Variants in KHDRBS2 observed in about 807,000 individuals in gnomAD.
KHDRBS2 encodes the protein KH domain-containing, RNA-binding, signal transduction-associated protein 2.
In KHDRBS2, 26 loss-of-function variants were observed where a neutral mutation model predicts 44.3. That is an observed-to-expected ratio of 0.59 (90% CI 0.43 to 0.81). The LOEUF is 0.81. Ranked by LOEUF, KHDRBS2 falls within the 40% of genes least tolerant of loss-of-function variation. The pLI, the probability that KHDRBS2 is intolerant of heterozygous loss-of-function variation, is 0.00. For missense variants in KHDRBS2, 476 were observed against 433.1 expected (o/e 1.10, Z -0.88); for synonymous variants, 194 against 151.1 (o/e 1.28, Z -2.08).
chr6:61,872,031 G>A (rs111549547), intron 6 of KHDRBS2, among the ~76,000 whole-genome samples: 12 of 152,102 alleles, frequency 7.9e-5, no homozygotes, highest in Non-Finnish European at 1.5e-4. Flanking sequence ...ACCATGGTGC[G>A]TGTATGCCTG....
At position 62,273,624 on chromosome 6, in the gene KHDRBS2, T is replaced by G. The variant is rs76250683; in HGVS notation, c.91+12234A>C. Among the ~76,000 whole-genome samples the G allele has an allele frequency of 2.9e-3, 438 of 152,282 alleles. 2 individuals are homozygous for G. Among genetic ancestry groups the G allele is most frequent in the African/African-American group, 0.01 (421 of 41,562 alleles). On this transcript the variant is annotated intron_variant, in intron 1 of 8. Coordinates refer to ENST00000281156, the MANE Select transcript of KHDRBS2 (RefSeq NM_152688.4). ...TCCTAAGTGTCCTTTCTATTGCATT[T>G]TATATGTTCTCTCAGGGTGATCTCT...
chr6:62,139,924 G>C (rs371210190), intron 2 of KHDRBS2, among the ~76,000 whole-genome samples: 1 of 146,964 alleles, frequency 6.8e-6, no homozygotes, highest in Non-Finnish European at 1.5e-5. Context: ...TCCACCTTTC[G>C]CTTTTGTCCT....
intron 3 of KHDRBS2, among the ~76,000 whole-genome samples, chr6:62,039,498 C>T (rs1786020425): frequency 6.6e-6 from 1 of 151,638 alleles, no homozygotes; most frequent in African/African-American, 2.4e-5. Context: ...ACTTAATTGC[C>T]TTTGGATTCT....
chr6:61,820,941 C>T (rs187059787), intron 6 of KHDRBS2, among the ~76,000 whole-genome samples: 1 of 151,950 alleles, frequency 6.6e-6, no homozygotes, highest in Non-Finnish European at 1.5e-5. Context: ...TTTTATGTTT[C>T]TTACATCTAC....
chr6:61,570,849 C>G, the KHDRBS2 span, among the ~76,000 whole-genome samples: 2 of 151,984 alleles, frequency 1.3e-5, no homozygotes, highest in Non-Finnish European at 2.9e-5. Context: ...GAGATAAAGC[C>G]TTTTTCAGAC....
chr6:62,135,864 C>CA (rs1174961106), intron 2 of KHDRBS2, among the ~76,000 whole-genome samples: 2 of 150,736 alleles, frequency 1.3e-5, no homozygotes, highest in Non-Finnish European at 3.0e-5. Context: ...AGTAAAAAAA[C>CA]AAAAAAAGGA....
intron 6 of KHDRBS2, among the ~76,000 whole-genome samples, chr6:61,870,946 T>C (rs1479028993): frequency 1.3e-5 from 2 of 152,198 alleles, no homozygotes; most frequent in African/African-American, 4.8e-5. Context: ...AGAATGCCTC[T>C]TCTCCTCCAA....
At chr6:61,980,751 T>C (rs1773664262) in intron 3 of KHDRBS2, among the ~76,000 whole-genome samples, 1 of 152,208 alleles carries the variant, frequency 6.6e-6, no homozygotes, top group Admixed American at 6.5e-5. Flanking sequence ...GCTCTCAGGC[T>C]GATTTACAGC....
chr6:62,025,352 A>T (rs984956078), intron 3 of KHDRBS2, among the ~76,000 whole-genome samples: 1 of 151,430 alleles, frequency 6.6e-6, no homozygotes, highest in African/African-American at 2.4e-5. Context: ...CTTTTTCCTA[A>T]TTTTTTAATG....
At chr6:61,901,684 G>T (rs1804073782) in intron 4 of KHDRBS2, among the ~76,000 whole-genome samples, 1 of 152,096 alleles carries the variant, frequency 6.6e-6, no homozygotes, top group South Asian at 2.1e-4. Flanking sequence ...TGAGAACTTG[G>T]AATGTGCTAA....
chr6:61,848,489 A>G (rs201494039), intron 6 of KHDRBS2, among the ~76,000 whole-genome samples: 4 of 44,644 alleles, frequency 9.0e-5, no homozygotes, highest in African/African-American at 1.3e-4. Flanking sequence ...ATATATATAT[A>G]TGTATATATA....
intron 6 of KHDRBS2, among the ~76,000 whole-genome samples, chr6:61,783,720 T>C (rs1247052320): frequency 2.0e-5 from 3 of 151,986 alleles, no homozygotes; most frequent in Non-Finnish European, 4.4e-5. Context: ...TGAAATGTAT[T>C]TATTTTCTAA....
chr6:61,552,336 T>C, the KHDRBS2 span, among the ~76,000 whole-genome samples: 2 of 152,292 alleles, frequency 1.3e-5, no homozygotes, highest in South Asian at 2.1e-4. Flanking sequence ...TGCATGGGAA[T>C]GCTACTGATT....
chr6:62,137,849 T>A (rs1303522088), intron 2 of KHDRBS2, among the ~76,000 whole-genome samples: 1 of 152,234 alleles, frequency 6.6e-6, no homozygotes, highest in Non-Finnish European at 1.5e-5. Context: ...ATATCCCAGT[T>A]CATATTCTGG....
At chr6:62,028,251 T>C (rs576112112) in intron 3 of KHDRBS2, among the ~76,000 whole-genome samples, 2 of 152,232 alleles carry the variant, frequency 1.3e-5, no homozygotes, top group East Asian at 3.9e-4. Context: ...TTTTTTCTTT[T>C]AAAATGCAAT....
intron 6 of KHDRBS2, among the ~76,000 whole-genome samples, chr6:61,835,710 C>CGTGTGCGT (rs1792554023): frequency 1.4e-5 from 2 of 145,478 alleles, no homozygotes; most frequent in Non-Finnish European, 3.0e-5. Context: ...TTGATGTGTG[C>CGTGTGCGT]GTGTGTGTGT....
chr6:61,570,751 T>C, the KHDRBS2 span, among the ~76,000 whole-genome samples: 4 of 152,124 alleles, frequency 2.6e-5, no homozygotes, highest in Non-Finnish European at 5.9e-5. Context: ...TCAGAAGGGA[T>C]TGGGGTCCCA....
intron 6 of KHDRBS2, among the ~76,000 whole-genome samples, chr6:61,830,091 G>A (rs1339974129): frequency 6.6e-6 from 1 of 152,100 alleles, no homozygotes; most frequent in African/African-American, 2.4e-5. Context: ...CTGAGAGCCT[G>A]AAGGAAAAGA....
the KHDRBS2 span, among the ~76,000 whole-genome samples, chr6:61,605,627 A>G: frequency 6.6e-6 from 1 of 151,964 alleles, no homozygotes; most frequent in Non-Finnish European, 1.5e-5. Context: ...CAACCCCACA[A>G]TATCACCCCT....
Sources: gnomAD v4.1 joint callset for allele counts (sites outside exome capture counted in the v4.1 genomes callset) on GRCh38, gnomAD v4.1.1 for gene constraint, MANE v1.5 for transcripts, NCBI Gene and HGNC (gene_info 2026-07-23, HGNC 2026-07-21) for gene names.